The following GRM8 variants were observed in gnomAD, a reference collection of about 807,000 sequenced individuals.
The protein encoded by GRM8 is metabotropic glutamate receptor 8.
A neutral mutation model predicts 87.2 loss-of-function variants in GRM8; 47 were observed. The observed-to-expected ratio is 0.54, with a 90% CI of 0.43 to 0.69. The LOEUF (loss-of-function observed/expected upper bound fraction) is 0.69. Among genes scored for constraint, GRM8 ranks in the 30% least tolerant of loss-of-function variants. The pLI is 0.00. For missense variants in GRM8, 1,019 were observed against 1,139.2 expected (o/e 0.89, Z 1.52); for synonymous variants, 396 against 404.5 (o/e 0.98, Z 0.25).
chr7:126,674,838 G>T (rs1431929893), intron 7 of GRM8, among the ~76,000 whole-genome samples: 3 of 152,140 alleles, frequency 2.0e-5, no homozygotes, highest in Admixed American at 2.0e-4. Flanking sequence ...GGGGAAAAAA[G>T]AATCAGAATT....
intron 7 of GRM8, among the ~76,000 whole-genome samples, chr7:126,663,202 C>T (rs1028732592): frequency 6.6e-6 from 1 of 152,190 alleles, no homozygotes; most frequent in Non-Finnish European, 1.5e-5. Flanking sequence ...TGGCCAAATT[C>T]CACCAGATAG....
intron 3 of GRM8, among the ~76,000 whole-genome samples, chr7:127,029,197 C>A (rs1034528468): frequency 2.6e-5 from 4 of 152,046 alleles, no homozygotes; most frequent in African/African-American, 9.7e-5. Context: ...TGCGGTCGGA[C>A]AGACAGTTTG....
rs111317873 is a variant in GRM8 at position 126,903,686 on chromosome 7, T to G, written c.1018+286A>C. ...ATATATGTATATGTGTATATATATA[T>G]GTATATGTGTATATATATATGTATA... On this transcript the variant is annotated intron_variant, in intron 5 of 10. Transcript: ENST00000339582. Among the ~76,000 whole-genome samples the G allele has an allele frequency of 4.4e-3, 569 of 128,826 alleles. 11 individuals carry two copies. Among genetic ancestry groups the G allele is most frequent in the East Asian group, 0.014 (52 of 3,788 alleles). The allele number at this position is 128,826 out of a possible 152,430, so 84.5% of individuals were successfully genotyped here.
At chr7:126,815,085 C>T (rs1586048674) in intron 6 of GRM8, among the ~76,000 whole-genome samples, 1 of 152,052 alleles carries the variant, frequency 6.6e-6, no homozygotes, top group Admixed American at 6.6e-5. Flanking sequence ...GCCAGGAAGA[C>T]AGTAATAGAG....
At chr7:126,876,626 C>T (rs1297278802) in intron 6 of GRM8, among the ~76,000 whole-genome samples, 1 of 152,134 alleles carries the variant, frequency 6.6e-6, no homozygotes, top group Non-Finnish European at 1.5e-5. Context: ...AGTTTTTCGT[C>T]ATATAAGGGC....
rs1039994597 is a variant in GRM8, at chr7:127,067,927, T to C, written c.727+38569A>G. ...ACAAAGTTCTGGGAAAGGTGGCTAG[T>C]GATTCAGGGAGAACAGCAAAGGGAG... is the stretch of plus-strand genomic sequence containing the variant. On this transcript the variant is annotated intron_variant, in intron 3 of 10. Transcript: ENST00000339582. 7.9e-5 allele frequency among the ~76,000 whole-genome samples: 12 copies of C among 152,186 alleles called. 1 individual carries two copies. Among genetic ancestry groups the C allele is most frequent in the Non-Finnish European group, 1.8e-4 (12 of 68,048 alleles).
chr7:126,853,423 C>T (rs1430407046), intron 6 of GRM8, among the ~76,000 whole-genome samples: 1 of 152,094 alleles, frequency 6.6e-6, no homozygotes, highest in Non-Finnish European at 1.5e-5. Flanking sequence ...AGGTGAGCCT[C>T]TAATGGACAA....
intron 9 of GRM8, among the ~76,000 whole-genome samples, chr7:126,475,797 T>G (rs902664640): frequency 2.6e-5 from 4 of 151,952 alleles, no homozygotes; most frequent in Non-Finnish European, 5.9e-5. Flanking sequence ...AATAAAGAGC[T>G]TAGAAATAAA....
At chr7:127,073,802 T>G (rs928179978) in intron 3 of GRM8, among the ~76,000 whole-genome samples, 1 of 152,166 alleles carries the variant, frequency 6.6e-6, no homozygotes, top group Non-Finnish European at 1.5e-5. Flanking sequence ...CCAGCTTTTT[T>G]CAGACATTTT....
chr7:127,134,178 T>A (rs574536488), intron 2 of GRM8, among the ~76,000 whole-genome samples: 1 of 152,356 alleles, frequency 6.6e-6, no homozygotes, highest in South Asian at 2.1e-4. Flanking sequence ...AATTTCATGT[T>A]ATTATCATAT....
chr7:126,727,739 A>ACACACACACC (rs1410017859), intron 7 of GRM8, among the ~76,000 whole-genome samples: 83 of 145,612 alleles, frequency 5.7e-4, no homozygotes, highest in African/African-American at 2.0e-3. Flanking sequence ...ACACACACAC[A>ACACACACACC]CCCCTAAAAA....
At chr7:126,658,464 T>C (rs1324388375) in intron 7 of GRM8, among the ~76,000 whole-genome samples, 1 of 152,010 alleles carries the variant, frequency 6.6e-6, no homozygotes, top group Non-Finnish European at 1.5e-5. Context: ...CTGGCAGTCT[T>C]GGAAGGAGCC....
chr7:127,150,414 C>A (rs1587140237), intron 2 of GRM8, among the ~76,000 whole-genome samples: 1 of 152,022 alleles, frequency 6.6e-6, no homozygotes, highest in South Asian at 2.1e-4. Context: ...CAGGAGCCAC[C>A]AGAACCTGAC....
At chr7:126,667,054 C>A (rs1474574336) in intron 7 of GRM8, among the ~76,000 whole-genome samples, 1 of 152,006 alleles carries the variant, frequency 6.6e-6, no homozygotes, top group African/African-American at 2.4e-5. Flanking sequence ...ATGGTAATAA[C>A]AACAATAATG....
chr7:126,617,393 A>G (rs1357581406), intron 7 of GRM8, among the ~76,000 whole-genome samples: 2 of 152,218 alleles, frequency 1.3e-5, no homozygotes, highest in Non-Finnish European at 2.9e-5. Flanking sequence ...AATAAGAGCT[A>G]TTTATGACAA....
At chr7:127,171,235 T>C (rs1346246009) in intron 2 of GRM8, among the ~76,000 whole-genome samples, 1 of 152,200 alleles carries the variant, frequency 6.6e-6, no homozygotes, top group Non-Finnish European at 1.5e-5. Context: ...TCGCTTCTTA[T>C]GGATGAGCAA....
At chr7:126,957,024 A>G (rs1332376878) in intron 3 of GRM8, among the ~76,000 whole-genome samples, 3 of 152,174 alleles carry the variant, frequency 2.0e-5, no homozygotes, top group Non-Finnish European at 2.9e-5. Flanking sequence ...AAGCCCAGGG[A>G]CAGGACCACG....
chr7:127,190,795 A>G (rs751690097), intron 2 of GRM8, among the ~76,000 whole-genome samples: 1 of 151,792 alleles, frequency 6.6e-6, no homozygotes, highest in Non-Finnish European at 1.5e-5. Flanking sequence ...TCTAGCTCAG[A>G]CATTATTTTT....
intron 7 of GRM8, among the ~76,000 whole-genome samples, chr7:126,613,736 C>T (rs1277561898): frequency 1.3e-5 from 2 of 152,220 alleles, no homozygotes; most frequent in African/African-American, 4.8e-5. Flanking sequence ...TTATATCCCA[C>T]ACCTGGCTCA....
Sources: gnomAD v4.1 joint callset for allele counts (sites outside exome capture counted in the v4.1 genomes callset) on GRCh38, gnomAD v4.1.1 for gene constraint, MANE v1.5 for transcripts, NCBI Gene and HGNC (gene_info 2026-07-23, HGNC 2026-07-21) for gene names.